Variants in MECR observed in about 807,000 individuals in gnomAD.
MECR encodes enoyl-[acyl-carrier-protein] reductase, mitochondrial.
MECR carries 37 observed loss-of-function variants against 49.1 expected under a neutral mutation model. The observed-to-expected ratio is 0.75, with a 90% CI of 0.58 to 0.99. The LOEUF (loss-of-function observed/expected upper bound fraction) is 0.99, where lower values mean the gene tolerates loss of function less well. MECR is among the 50% of genes least tolerant of loss of function. The pLI, the probability that MECR is intolerant of heterozygous loss-of-function variation, is 0.00. For synonymous variants in MECR, 198 were observed against 191.1 expected (o/e 1.04, Z -0.30); for missense variants, 470 against 479.6 (o/e 0.98, Z 0.19).
chr1:29,180,999 C>T, the MECR span, among the ~76,000 whole-genome samples: 2 of 152,172 alleles, frequency 1.3e-5, no homozygotes, highest in African/African-American at 4.8e-5. Context: ...AAACTCTGCA[C>T]GGAGTCTTAA....
intron 3 of MECR, among the ~76,000 whole-genome samples, chr1:29,215,434 C>T (rs1048887257): frequency 9.9e-5 from 15 of 151,964 alleles, no homozygotes; most frequent in Admixed American, 2.0e-4. Flanking sequence ...AAAAATTTGT[C>T]GGGCGTGATG....
intron 1 of MECR, among the ~76,000 whole-genome samples, chr1:29,226,292 C>T (rs1342974331): frequency 6.6e-6 from 1 of 150,518 alleles, no homozygotes; most frequent in African/African-American, 2.4e-5. Flanking sequence ...GATCAGGATG[C>T]TGTTTTACAA....
At chr1:29,200,617 G>A (rs1340660297) in intron 6 of MECR, 28 bp from the exon 7 acceptor site, 2 of 1,602,762 alleles carry the variant, frequency 1.2e-6, no homozygotes, top group East Asian at 2.2e-5. Context: ...TGCAGTGAGG[G>A]AGCATCCCCG....
chr1:29,204,984 TCA>T (rs2151867299), intron 4 of MECR, among the ~76,000 whole-genome samples: 1 of 152,362 alleles, frequency 6.6e-6, no homozygotes, highest in East Asian at 1.9e-4. Flanking sequence ...ACTGTGGGCC[TCA>T]GTTTCTTCGC....
At chr1:29,190,086 T>C (rs948574240), downstream of MECR, among the ~76,000 whole-genome samples, 3 of 152,162 alleles carry the variant, frequency 2.0e-5, no homozygotes, top group African/African-American at 2.4e-5. Flanking sequence ...TTGCTGTACA[T>C]AGTCAAGGCC....
intron 3 of MECR, among the ~76,000 whole-genome samples, chr1:29,208,193 T>C (rs188425010): frequency 2.3e-4 from 35 of 152,282 alleles, no homozygotes; most frequent in Middle Eastern, 6.8e-3. Context: ...GGTTTCACCA[T>C]GTTGGCCAGG....
chr1:29,229,929 C>G (rs1171309027), intron 1 of MECR, among the ~76,000 whole-genome samples: 1 of 152,180 alleles, frequency 6.6e-6, no homozygotes, highest in Non-Finnish European at 1.5e-5. Flanking sequence ...TAAGATCCAA[C>G]AGAATTTTAG....
the MECR span, among the ~76,000 whole-genome samples, chr1:29,177,392 T>C: frequency 6.6e-6 from 1 of 151,908 alleles, no homozygotes; most frequent in African/African-American, 2.4e-5. Flanking sequence ...AGTGATTCTC[T>C]TGCCTCAGCC....
rs749973516 is a variant in MECR at position 29,230,907 on chromosome 1, G to A, written c.-1C>T. ...GCCACAGGGTACTGCAGACCCACAT[G>A]CTCGCTCCAACCAACACAGAGCCTG... On this transcript the variant is annotated 5_prime_UTR_variant, in exon 1 of 10. Coordinates refer to ENST00000263702, the MANE Select transcript of MECR (RefSeq NM_016011.5). The A allele has an allele frequency of 3.1e-6, 5 of 1,598,906 alleles. No homozygotes were observed. Among genetic ancestry groups the A allele is most frequent in the African/African-American group, 1.3e-5 (1 of 74,350 alleles).
chr1:29,174,844 T>G, the MECR span, among the ~76,000 whole-genome samples: 2 of 151,800 alleles, frequency 1.3e-5, no homozygotes, highest in Non-Finnish European at 2.9e-5. Flanking sequence ...CAGCTAATTT[T>G]TGTATTTTTA....
In MECR at chr1:29,193,854, T is replaced by C; in HGVS notation, c.*168A>G. On this transcript the variant is annotated 3_prime_UTR_variant, in exon 10 of 10. Coordinates refer to ENST00000263702, the MANE Select transcript of MECR (RefSeq NM_016011.5). ...AGAGTTCAGACTTTATTAGATACCT[T>C]AAGGCTGGCCCTGGGGAAAACCGTG... The C allele has an allele frequency of 1.3e-6, 1 of 754,838 alleles. No individual in the cohort carries two copies. Among genetic ancestry groups the C allele is most frequent in the Non-Finnish European group, 2.1e-6 (1 of 472,096 alleles). The allele number at this position is 754,838 out of a possible 1,614,324, so 46.8% of individuals were successfully genotyped here. A position where few individuals can be genotyped will look rare whatever the true frequency, so the allele number is the denominator to read the frequency against.
chr1:29,201,014 T>C lies in MECR; in HGVS notation c.757-425A>G, dbSNP rs1029352272. 6.6e-6 allele frequency among the ~76,000 whole-genome samples: 1 copy of C among 152,202 alleles called. No homozygotes were observed. The highest frequency in any genetic ancestry group is 1.5e-5 in the Non-Finnish European group (1 of 68,032). ...TCTCACTATGTTGCTCAGGCTAGTC[T>C]CAAACTCTCAGACTCAAGCAATCCG... is the stretch of plus-strand genomic sequence containing the variant. On this transcript the variant is annotated intron_variant, in intron 6 of 9. Coordinates refer to ENST00000263702, the MANE Select transcript of MECR (RefSeq NM_016011.5). This position sits in a 1 kb window ranked among gnomAD's most constrained non-coding sequence, Gnocchi z 4.3.
chr1:29,179,595 C>G, the MECR span, among the ~76,000 whole-genome samples: 3 of 152,278 alleles, frequency 2.0e-5, no homozygotes, highest in East Asian at 5.8e-4. Flanking sequence ...GTAATCTTCA[C>G]ACTTCAGCTG....
At chr1:29,210,359 T>C (rs1198928113) in intron 3 of MECR, among the ~76,000 whole-genome samples, 1 of 152,174 alleles carries the variant, frequency 6.6e-6, no homozygotes, top group Non-Finnish European at 1.5e-5. Flanking sequence ...AGTAGGTCTA[T>C]GGCTGAGAAA....
the MECR span, among the ~76,000 whole-genome samples, chr1:29,178,747 T>C: frequency 1.9e-3 from 292 of 152,336 alleles, no homozygotes; most frequent in Non-Finnish European, 3.6e-3. Flanking sequence ...TAAGCTTACA[T>C]ACGTAGCTAA....
intron 3 of MECR, among the ~76,000 whole-genome samples, chr1:29,212,659 T>C (rs1272811425): frequency 6.6e-6 from 1 of 152,212 alleles, no homozygotes; most frequent in African/African-American, 2.4e-5. Flanking sequence ...GAAGCCTGAC[T>C]TGTTTGCCCA....
At chr1:29,178,565 CCAGGATGGT>C in the MECR span, among the ~76,000 whole-genome samples, 3 of 151,834 alleles carry the variant, frequency 2.0e-5, no homozygotes, top group Admixed American at 2.0e-4. Flanking sequence ...ACCATCTTAA[CCAGGATGGT>C]CTCGATCTCC....
the MECR span, among the ~76,000 whole-genome samples, chr1:29,168,124 T>C: frequency 1.3e-5 from 2 of 152,000 alleles, no homozygotes; most frequent in Non-Finnish European, 2.9e-5. Flanking sequence ...AAGCAATTCT[T>C]GTACCTCAGC....
At chr1:29,230,665 C>A in intron 1 of MECR, 66 bp downstream of exon 1, 1 of 1,523,200 alleles carries the variant, frequency 6.6e-7, no homozygotes, top group South Asian at 1.2e-5. Context: ...CTTCCCAGTC[C>A]GCAGCTCGTG....
Sources: allele counts gnomAD v4.1 joint callset (sites outside exome capture counted in the v4.1 genomes callset), GRCh38; gene constraint gnomAD v4.1.1; non-coding constraint Gnocchi (gnomAD v3.1); transcripts MANE v1.5; gene names NCBI Gene and HGNC (gene_info 2026-07-23, HGNC 2026-07-21).